NRAP: variants seen among roughly 807,000 people sequenced by gnomAD.
NRAP encodes the protein nebulin related anchoring protein, also known as nebulin-related-anchoring protein.
NRAP carries 189 observed loss-of-function variants against 225.9 expected under a neutral mutation model. That is an observed-to-expected ratio of 0.84 (90% CI 0.74 to 0.94). The LOEUF is 0.94. Ranked by LOEUF, NRAP falls within the 40% of genes least tolerant of loss-of-function variation. The pLI is 0.00. For synonymous variants in NRAP, 769 were observed against 790.7 expected, an observed-to-expected ratio of 0.97 and a Z score of 0.46; for missense variants, 2,176 against 2,168.7, an observed-to-expected ratio of 1.00 and a Z score of -0.07.
Position 113,648,459 on chromosome 10 carries a change from CTCTCTCTCTA to C in NRAP, c.889-1442_889-1433del, listed in dbSNP as rs1213981174. 3.9e-5 allele frequency among the ~76,000 whole-genome samples: 5 copies of C among 126,962 alleles called. No individual in the cohort carries two copies. The South Asian group carries it at 1.0e-3, about 26-fold the overall frequency. The allele number at this position is 126,962 out of a possible 152,430, so 83.3% of individuals were successfully genotyped here. ...AGTTTCTCTCTCTCTCTCTCTCTCTCTCTCTCTCTATATATATATATATATATATATGTTG... is the reference window on the plus strand; with the variant it reads ...AGTTTCTCTCTCTCTCTCTCTCTCTCTATATATATATATATATATATGTTG... On this transcript the variant is annotated intron_variant, in intron 9 of 41. Transcript: ENST00000359988.
chr10:113,636,774 C>T (rs747741541), intron 14 of NRAP, among the ~76,000 whole-genome samples: 13 of 152,040 alleles, frequency 8.6e-5, no homozygotes, highest in Non-Finnish European at 1.8e-4. Flanking sequence ...TTTGGGAGGC[C>T]GAGGCAGGAG....
At chr10:113,649,973 T>C in intron 9 of NRAP, 64 bp downstream of exon 9, 1 of 894,358 alleles carries the variant, frequency 1.1e-6, no homozygotes, top group Non-Finnish European at 1.9e-6. Flanking sequence ...GTCATAGCTG[T>C]GTCACAGCCT....
rs773078055 is a variant in NRAP, at chr10:113,657,570, T to C, written c.260A>G (p.His87Arg). The stretch of plus-strand genomic sequence containing the variant: ...ACACTGTTCACCATCTTCTTGGTCA[T>C]GGATCTGCTCAAGGAAGATGTTGTC... ...RTFPEAISGIHDQEDGEQCKS... is the reference protein window; with the variant it reads ...RTFPEAISGIRDQEDGEQCKS... Residue 87 changes from histidine (H) to arginine (R), a missense_variant, in exon 4 of 42, where the codon CAT becomes CGT. This residue lies in a region of NRAP where 1,708 missense variants were observed against 1,695.5 expected (regional missense o/e 1.01). Coordinates refer to ENST00000359988, the MANE Select transcript of NRAP (RefSeq NM_198060.4). 7 of 1,526,508 alleles carry C rather than the reference T, an allele frequency of 4.6e-6. No individual in the cohort carries two copies. In the East Asian group the frequency reaches 1.1e-4, roughly 25 times the overall value. The allele number at this position is 1,526,508 out of a possible 1,614,324, so 94.6% of individuals were successfully genotyped here.
At chr10:113,624,685 G>A (rs1035109749) in intron 22 of NRAP, 141 bp downstream of exon 22, 2 of 641,930 alleles carry the variant, frequency 3.1e-6, no homozygotes, top group Admixed American at 5.1e-5. Context: ...CAGATCTGCT[G>A]GGTGAGCTGT....
intron 20 of NRAP, among the ~76,000 whole-genome samples, chr10:113,626,462 T>A (rs1200846740): frequency 6.6e-6 from 1 of 152,194 alleles, no homozygotes; most frequent in African/African-American, 2.4e-5. Flanking sequence ...TGGAGGAAAC[T>A]TGGACTTTAC....
chr10:113,652,998 G>T lies in NRAP; in HGVS notation c.507C>A (p.Ser169Arg), dbSNP rs138386465. The T allele has an allele frequency of 4.0e-4, 644 of 1,612,856 alleles. No individual in the cohort carries two copies. The highest frequency in any genetic ancestry group is 7.7e-4 in the Admixed American group (46 of 59,684). Reference sequence around the variant, plus strand: ...AAGCAGGTGTGATCATGGCTGGAAAGCTCCCCTTGCCCCTGGGTTGCTCAT... The same window carrying T: ...AAGCAGGTGTGATCATGGCTGGAAATCTCCCCTTGCCCCTGGGTTGCTCAT... ...EDYEQPRGKG[S>R]FPAMITPAYQ... Residue 169 changes from serine (S) to arginine (R), a missense_variant, in exon 6 of 42, where the codon AGC becomes AGA. Ser to Arg is a moderately radical substitution (Grantham distance 110). Coordinates refer to ENST00000359988, the MANE Select transcript of NRAP (RefSeq NM_198060.4).
rs1847935054 is a variant in NRAP at position 113,620,712 on chromosome 10, A to T, written c.2770-4T>A. Reference sequence around the variant, plus strand: ...TCACATCTGCCCTGTATTGGTTCTGACAAAGGAGAAAGAAAAAAAAAAAAA... The same window carrying T: ...TCACATCTGCCCTGTATTGGTTCTGTCAAAGGAGAAAGAAAAAAAAAAAAA... On this transcript the variant is annotated splice_polypyrimidine_tract_variant and splice_region_variant and intron_variant, in intron 24 of 41. Transcript: ENST00000359988. 1.3e-6 allele frequency: 2 copies of T among 1,596,414 alleles called. No individual in the cohort carries two copies. Among genetic ancestry groups the T allele is most frequent in the African/African-American group, 2.7e-5 (2 of 73,990 alleles).
chr10:113,612,292 G>T lies in NRAP; in HGVS notation c.3440C>A (p.Ser1147Tyr), dbSNP rs1564714208. 1 of 1,614,190 alleles carries T rather than the reference G, an allele frequency of 6.2e-7. No homozygotes were observed. Among genetic ancestry groups the T allele is most frequent in the Non-Finnish European group, 8.5e-7 (1 of 1,180,028 alleles). Residue 1147 changes from serine (S) to tyrosine (Y), a missense_variant, in exon 30 of 42, where the codon TCC becomes TAC. Ser to Tyr is a moderately radical substitution (Grantham distance 144). Coordinates refer to ENST00000359988, the MANE Select transcript of NRAP (RefSeq NM_198060.4). ...GCTCAGCCTCAGGTCTTCTGCCAAG[G>T]AAGTGTACTGGGGCAGTGGATGTTT... Reference protein sequence around the residue: ...DYKHPLPQYTSLAEDLRLSCA... With the variant: ...DYKHPLPQYTYLAEDLRLSCA...
intron 41 of NRAP, 172 bp from the exon 42 acceptor site, chr10:113,589,251 T>A (rs1224220951): frequency 3.3e-6 from 2 of 603,374 alleles, no homozygotes; most frequent in Admixed American, 6.2e-5. Flanking sequence ...AAGGCAGGAA[T>A]GAGAAAGCAA....
intron 3 of NRAP, among the ~76,000 whole-genome samples, chr10:113,661,285 C>T (rs1850658795): frequency 6.6e-6 from 1 of 152,156 alleles, no homozygotes; most frequent in Non-Finnish European, 1.5e-5. Flanking sequence ...AGTGCTTCTA[C>T]AGTAAATGCT....
chr10:113,657,031 A>G (rs970915024), intron 4 of NRAP, among the ~76,000 whole-genome samples: 4 of 152,182 alleles, frequency 2.6e-5, no homozygotes, highest in Admixed American at 2.6e-4. Context: ...AGTCAGGGAC[A>G]CCTAGGAAGC....
chr10:113,613,020 A>T (rs1454485663), intron 29 of NRAP, among the ~76,000 whole-genome samples: 1 of 149,244 alleles, frequency 6.7e-6, no homozygotes, highest in Non-Finnish European at 1.5e-5. Flanking sequence ...AGATTCGACT[A>T]TAGTCCTTGG....
chr10:113,630,041 A>C (rs189270967), intron 18 of NRAP, among the ~76,000 whole-genome samples: 2 of 152,174 alleles, frequency 1.3e-5, no homozygotes, highest in East Asian at 3.9e-4. Context: ...CGGCTGCTCC[A>C]GGAGAAAACT....
intron 35 of NRAP, among the ~76,000 whole-genome samples, chr10:113,598,676 T>C (rs570306169): frequency 6.6e-6 from 1 of 152,240 alleles, no homozygotes; most frequent in African/African-American, 2.4e-5. Context: ...GGGAAAGAAG[T>C]CAATTATAGC....
chr10:113,653,705 G>T (rs1016377328), intron 5 of NRAP, among the ~76,000 whole-genome samples: 1 of 152,140 alleles, frequency 6.6e-6, no homozygotes, highest in Admixed American at 6.5e-5. Flanking sequence ...GATTTTGGAG[G>T]TCAGTACTTT....
chr10:113,662,060 A>T (rs987054641), intron 3 of NRAP, among the ~76,000 whole-genome samples: 3 of 152,216 alleles, frequency 2.0e-5, no homozygotes, highest in Non-Finnish European at 4.4e-5. Flanking sequence ...ACTGAAATCA[A>T]GGACCTCAAT....
chr10:113,610,822 C>T (rs747834665), intron 30 of NRAP, among the ~76,000 whole-genome samples: 13 of 152,150 alleles, frequency 8.5e-5, no homozygotes, highest in Non-Finnish European at 1.5e-4. Flanking sequence ...TCCACAGAAG[C>T]GAGACAGATT....
At chr10:113,618,734 T>A (rs1847811122) in intron 25 of NRAP, among the ~76,000 whole-genome samples, 1 of 152,126 alleles carries the variant, frequency 6.6e-6, no homozygotes, top group African/African-American at 2.4e-5. Context: ...TCACCTGAAA[T>A]CAGGAGTTTG....
rs142207314 is a variant in NRAP at position 113,619,009 on chromosome 10, C to T, written c.2875-1456G>A. 3.3e-3 allele frequency among the ~76,000 whole-genome samples: 496 copies of T among 152,206 alleles called. 7 individuals carry two copies. Among genetic ancestry groups the T allele is most frequent in the Admixed American group, 0.019 (295 of 15,294 alleles). Reference sequence around the variant, plus strand: ...CGACAGTAACTTGTAAATGTGACAGCCTAAAATGAGATGGGGGGGAAAGTT... The same window carrying T: ...CGACAGTAACTTGTAAATGTGACAGTCTAAAATGAGATGGGGGGGAAAGTT... On this transcript the variant is annotated intron_variant, in intron 25 of 41. Transcript: ENST00000359988.
Sources: allele counts gnomAD v4.1 joint callset (sites outside exome capture counted in the v4.1 genomes callset), GRCh38; gene constraint gnomAD v4.1.1; regional missense constraint gnomAD v4.1.1; transcripts MANE v1.5; gene names NCBI Gene and HGNC (gene_info 2026-07-23, HGNC 2026-07-21).